Variants in NCALD observed in about 807,000 individuals in gnomAD.
The protein encoded by NCALD is neurocalcin-delta.
A neutral mutation model predicts 18.6 loss-of-function variants in NCALD; 10 were observed. That is an observed-to-expected ratio of 0.54 (90% CI 0.33 to 0.91). The LOEUF (loss-of-function observed/expected upper bound fraction) is 0.91. NCALD is among the 40% of genes least tolerant of loss of function. The pLI is 0.03. For synonymous variants in NCALD, 88 were observed against 87.4 expected, an observed-to-expected ratio of 1.01 and a Z score of -0.04; for missense variants, 184 against 247.6, an observed-to-expected ratio of 0.74 and a Z score of 1.72.
intron 3 of NCALD, among the ~76,000 whole-genome samples, chr8:101,889,656 T>C (rs112017925): frequency 1.1e-3 from 160 of 152,378 alleles, no homozygotes; most frequent in African/African-American, 3.8e-3. Context: ...TAAATATCCT[T>C]GGCTACAGCA....
intron 3 of NCALD, among the ~76,000 whole-genome samples, chr8:101,914,861 C>G (rs1817922702): frequency 6.6e-6 from 1 of 152,150 alleles, no homozygotes; most frequent in Non-Finnish European, 1.5e-5. Context: ...CCAAGGAACC[C>G]TGGTTCATTT....
chr8:102,061,434 C>T (rs1298801286), intron 1 of NCALD, among the ~76,000 whole-genome samples: 1 of 152,118 alleles, frequency 6.6e-6, no homozygotes, highest in Admixed American at 6.5e-5. Flanking sequence ...CAGAGTGCAA[C>T]AGATTATTTT....
At chr8:102,107,017 G>A (rs1768973901) in intron 1 of NCALD, among the ~76,000 whole-genome samples, 1 of 151,418 alleles carries the variant, frequency 6.6e-6, no homozygotes, top group Admixed American at 6.6e-5. Flanking sequence ...AACCACATAA[G>A]TAAGTTCACA....
intron 2 of NCALD, among the ~76,000 whole-genome samples, chr8:101,702,580 T>C (rs1815318941): frequency 1.3e-5 from 2 of 152,194 alleles, no homozygotes; most frequent in African/African-American, 4.8e-5. Context: ...CTGTACACTG[T>C]ACTCTCTGCA....
intron 2 of NCALD, among the ~76,000 whole-genome samples, chr8:102,001,096 T>A (rs1015581175): frequency 6.6e-6 from 1 of 152,152 alleles, no homozygotes; most frequent in African/African-American, 2.4e-5. Flanking sequence ...GGAGGAAGTT[T>A]GAACCCATGG....
chr8:101,855,648 T>C (rs1474316786), intron 4 of NCALD, among the ~76,000 whole-genome samples: 1 of 152,124 alleles, frequency 6.6e-6, no homozygotes, highest in African/African-American at 2.4e-5. Context: ...TCATCACACA[T>C]CTTGACAGAG....
chr8:101,719,174 AC>A (rs1816231840), intron 2 of NCALD, 77 bp downstream of exon 2: 2 of 1,512,526 alleles, frequency 1.3e-6, no homozygotes, highest in South Asian at 2.7e-5. Flanking sequence ...CAACCTCTGC[AC>A]CGTGCTATAC....
chr8:102,021,506 T>C (rs1333507282), intron 1 of NCALD, among the ~76,000 whole-genome samples: 1 of 152,120 alleles, frequency 6.6e-6, no homozygotes. Context: ...AAGGAAAATA[T>C]AAAGGTATAA....
In NCALD at chr8:101,923,471, G is replaced by A. The variant is rs111591797; in HGVS notation, c.-156-7613C>T. Among the ~76,000 whole-genome samples the A allele has an allele frequency of 6.0e-3, 909 of 152,254 alleles. 4 individuals carry two copies. The highest frequency in any genetic ancestry group is 0.014 in the South Asian group (68 of 4,832). ...ACTCACTATCACTAGCTCTCTATAC[G>A]CAGAAAATGATGTGTAATTGTTGTC... On this transcript the variant is annotated intron_variant, in intron 2 of 6. Coordinates refer to the NCALD transcript ENST00000311028.
At chr8:102,111,085 C>T (rs1825625752) in intron 1 of NCALD, among the ~76,000 whole-genome samples, 1 of 152,000 alleles carries the variant, frequency 6.6e-6, no homozygotes, top group African/African-American at 2.4e-5. Flanking sequence ...AAGAGTGATT[C>T]TTTCTTCTTT....
At chr8:102,082,226 CTTTTTTTT>C (rs757875219) in intron 1 of NCALD, among the ~76,000 whole-genome samples, 1 of 71,832 alleles carries the variant, frequency 1.4e-5, no homozygotes, top group Non-Finnish European at 2.4e-5. Context: ...GAAGCTCTCT[CTTTTTTTT>C]TTTTTTTTTT....
At chr8:101,826,547 G>C (rs1411749684) in intron 4 of NCALD, among the ~76,000 whole-genome samples, 1 of 152,188 alleles carries the variant, frequency 6.6e-6, no homozygotes, top group Non-Finnish European at 1.5e-5. Flanking sequence ...TTCTACTCCA[G>C]ATAAAAGCTT....
At chr8:101,855,521 T>G (rs564235966) in intron 4 of NCALD, among the ~76,000 whole-genome samples, 6 of 152,130 alleles carry the variant, frequency 3.9e-5, no homozygotes, top group Admixed American at 6.5e-5. Context: ...GGGGGCTGTT[T>G]GTTAGAGCAG....
intron 4 of NCALD, among the ~76,000 whole-genome samples, chr8:101,866,685 G>C (rs761885782): frequency 1.3e-5 from 2 of 152,058 alleles, no homozygotes; most frequent in African/African-American, 2.4e-5. Context: ...AGAAAATCCT[G>C]TTATATGAAC....
At chr8:102,113,906 G>A (rs1825707993) in intron 1 of NCALD, among the ~76,000 whole-genome samples, 1 of 152,240 alleles carries the variant, frequency 6.6e-6, no homozygotes, top group African/African-American at 2.4e-5. Context: ...CCGTGAATCA[G>A]TGAAAACTTG....
intron 2 of NCALD, among the ~76,000 whole-genome samples, chr8:101,985,148 G>A (rs749841205): frequency 5.3e-5 from 8 of 152,172 alleles, no homozygotes; most frequent in South Asian, 2.1e-4. Context: ...GCCATGCTGC[G>A]TGGAAGCCAA....
intron 1 of NCALD, among the ~76,000 whole-genome samples, chr8:101,755,795 A>G (rs1417032582): frequency 6.6e-6 from 1 of 152,182 alleles, no homozygotes; most frequent in Non-Finnish European, 1.5e-5. Flanking sequence ...GTGACTAACC[A>G]TTTACTTTTG....
At chr8:101,713,717 A>C (rs141982788) in intron 2 of NCALD, among the ~76,000 whole-genome samples, 3,900 of 152,180 alleles carry the variant, frequency 0.026, 131 homozygotes, top group African/African-American at 0.078. Context: ...TACACCCTCC[A>C]AAGACTAAAC....
rs537120078 is a variant in NCALD at position 101,996,738 on chromosome 8, A to G, written c.-157+23499T>C. ...GCTAGAAGAGACAACCATGGCAACTAACGGTCCTCCAGGGACTATGGCAGG... is the reference window on the plus strand; with the variant it reads ...GCTAGAAGAGACAACCATGGCAACTGACGGTCCTCCAGGGACTATGGCAGG... On this transcript the variant is annotated intron_variant, in intron 2 of 6. Coordinates refer to the NCALD transcript ENST00000311028. Among the ~76,000 whole-genome samples the G allele has an allele frequency of 3.3e-5, 5 of 152,366 alleles. No individual in the cohort carries two copies. In the East Asian group the frequency reaches 9.6e-4, roughly 29 times the overall value.
Sources: allele counts gnomAD v4.1 joint callset (sites outside exome capture counted in the v4.1 genomes callset), GRCh38; gene constraint gnomAD v4.1.1; transcripts MANE v1.5; gene names NCBI Gene and HGNC (gene_info 2026-07-23, HGNC 2026-07-21).